The following SEC31B variants were observed in gnomAD, a reference collection of about 807,000 sequenced individuals.
SEC31B encodes protein transport protein Sec31B.
SEC31B carries 113 observed loss-of-function variants against 135.0 expected under a neutral mutation model. That is an observed-to-expected ratio of 0.84 (90% CI 0.72 to 0.98). The LOEUF (loss-of-function observed/expected upper bound fraction) is 0.98. Among genes scored for constraint, SEC31B ranks in the 50% least tolerant of loss-of-function variants. SEC31B has a pLI of 0.00. For synonymous variants in SEC31B, 508 were observed against 549.4 expected (o/e 0.92, Z 1.05); for missense variants, 1,296 against 1,421.1 (o/e 0.91, Z 1.42).
chr10:100,505,060 A>T (rs1366921328), intron 10 of SEC31B, among the ~76,000 whole-genome samples: 1 of 152,098 alleles, frequency 6.6e-6, no homozygotes, highest in African/African-American at 2.4e-5. Flanking sequence ...CAGTCCAGAC[A>T]CGTAAGGGTT....
intron 10 of SEC31B, among the ~76,000 whole-genome samples, chr10:100,502,801 C>A (rs565534489): frequency 2.8e-4 from 42 of 152,108 alleles, no homozygotes; most frequent in Non-Finnish European, 5.4e-4. Flanking sequence ...GTCTTCATAC[C>A]CCCTATAGCC....
chr10:100,493,821 A>G (rs1851351463), intron 19 of SEC31B, among the ~76,000 whole-genome samples: 1 of 152,164 alleles, frequency 6.6e-6, no homozygotes, highest in Admixed American at 6.5e-5. Flanking sequence ...CTTGGTTTTG[A>G]TAGCGTACTG....
At position 100,487,203 on chromosome 10, in the gene SEC31B, A is replaced by C. The variant is rs1463078654; in HGVS notation, c.*413T>G. 1 of 203,092 alleles carries C rather than the reference A, an allele frequency of 4.9e-6. No individual in the cohort carries two copies. Among genetic ancestry groups the C allele is most frequent in the Non-Finnish European group, 1.0e-5 (1 of 100,234 alleles). 12.6% of individuals were successfully genotyped at this position (203,092 alleles called of 1,614,324 possible). A position where few individuals can be genotyped will look rare whatever the true frequency, so the allele number is the denominator to read the frequency against. On this transcript the variant is annotated 3_prime_UTR_variant, in exon 26 of 26. Transcript: ENST00000370345. Reference sequence around the variant, plus strand: ...GCAGGGAAAAGGTAAGGGCAGGCTCATAAACCACAGAAGGGAGAAACAAAA... The same window carrying C: ...GCAGGGAAAAGGTAAGGGCAGGCTCCTAAACCACAGAAGGGAGAAACAAAA...
In SEC31B at chr10:100,508,994, G is replaced by A. The variant is rs200468060; in HGVS notation, c.495+13C>T. ...TGCACACTCCAGGGTTGGGTAGTGG[G>A]GGTGCTGCTCACCTGTGACTTGGAT... On this transcript the variant is annotated intron_variant, in intron 5 of 25. Transcript: ENST00000370345. 1.1e-5 allele frequency: 18 copies of A among 1,602,708 alleles called. 1 individual carries two copies. Among genetic ancestry groups the A allele is most frequent in the Middle Eastern group, 3.3e-4 (2 of 6,050 alleles).
At chr10:100,511,100 G>C (rs1755223764) in intron 3 of SEC31B, among the ~76,000 whole-genome samples, 3 of 152,226 alleles carry the variant, frequency 2.0e-5, no homozygotes, top group Admixed American at 1.3e-4. Context: ...AGACCTCAAG[G>C]GGGAGTCACC....
rs778719151 is a variant in SEC31B, at chr10:100,516,148, T to C, written c.151A>G (p.Arg51Gly). 6.2e-7 allele frequency: 1 copy of C among 1,614,010 alleles called. No homozygotes were observed. The highest frequency in any genetic ancestry group is 8.5e-7 in the Non-Finnish European group (1 of 1,179,962). Reference sequence around the variant, plus strand: ...TGTTTCAAGTCCAGAGAAGGGTCCCTGAAATCAACCTCAAATATTTCCAAT... The same window carrying C: ...TGTTTCAAGTCCAGAGAAGGGTCCCCGAAATCAACCTCAAATATTTCCAAT... Reference protein sequence around the residue: ...GTLEIFEVDFRDPSLDLKHRG... With the variant: ...GTLEIFEVDFGDPSLDLKHRG... The change falls in exon 3 of 26, where the codon AGG becomes GGG. Residue 51 changes from arginine to glycine, a missense_variant. Transcript: ENST00000370345.
At chr10:100,490,677 C>T (rs772785067) in intron 20 of SEC31B, 29 bp downstream of exon 20, 2 of 1,540,382 alleles carry the variant, frequency 1.3e-6, no homozygotes, top group Admixed American at 1.9e-5. Context: ...CTGTGCTCTG[C>T]CCAGATAGAT....
chr10:100,492,284 G>A (rs941335448), intron 19 of SEC31B, among the ~76,000 whole-genome samples: 9 of 152,184 alleles, frequency 5.9e-5, no homozygotes, highest in African/African-American at 2.2e-4. Flanking sequence ...GAGTGCAATG[G>A]CACAATCTCA....
chr10:100,498,676 A>G (rs763547368), intron 14 of SEC31B, 29 bp downstream of exon 14: 8 of 1,536,658 alleles, frequency 5.2e-6, no homozygotes, highest in Non-Finnish European at 6.3e-6. Context: ...CTAAGCAGAG[A>G]CTCTCCCTCT....
Position 100,495,490 on chromosome 10 carries a change from C to T in SEC31B, c.2367G>A (p.Leu789=). ...RLFHAQGSAV[L]GQQSPPFPFP... ...AGGGGAAAGGGGGAGACTGTTGGCC[C>T]AAGACAGCAGAACCTTGAGCATGAA... Residue 789 remains leucine (L), a synonymous_variant, in exon 19 of 26, where the codon TTG becomes TTA. Coordinates refer to ENST00000370345, the MANE Select transcript of SEC31B (RefSeq NM_015490.4). 1 of 1,613,928 alleles carries T rather than the reference C, an allele frequency of 6.2e-7. No homozygotes were observed. Among genetic ancestry groups the T allele is most frequent in the Non-Finnish European group, 8.5e-7 (1 of 1,179,974 alleles).
intron 3 of SEC31B, among the ~76,000 whole-genome samples, chr10:100,515,855 G>A (rs1851827551): frequency 6.6e-6 from 1 of 151,958 alleles, no homozygotes; most frequent in Admixed American, 6.6e-5. Flanking sequence ...GTCCAGGCTT[G>A]TCTGAGGCAT....
chr10:100,508,975 C>T, intron 5 of SEC31B, 32 bp downstream of exon 5: 4 of 1,547,208 alleles, frequency 2.6e-6, no homozygotes, highest in Non-Finnish European at 3.6e-6. Context: ...CAGCTGCACA[C>T]TCCAGGGTTG....
rs761528420 is a variant in SEC31B at position 100,497,142 on chromosome 10, G to A, written c.2129C>T (p.Ala710Val). The A allele has an allele frequency of 2.5e-6, 4 of 1,614,172 alleles. No individual in the cohort carries two copies. The highest frequency in any genetic ancestry group is 3.4e-6 in the Non-Finnish European group (4 of 1,180,032). Residue 710 changes from alanine (A) to valine (V), a missense_variant, in exon 17 of 26, where the codon GCT becomes GTT. Ala to Val is a moderately conservative substitution (Grantham distance 64, BLOSUM62 0). Transcript: ENST00000370345. ...CCTGCAGAGAAGGGGTACCTGCAGA[G>A]CCATGGGGGACAAAGCCTGGTGGCA... ...AKCHQALSPM[A>V]LQDLMEKVMV...
chr10:100,499,672 T>G, intron 11 of SEC31B, 74 bp from the exon 12 acceptor site: 1 of 1,120,074 alleles, frequency 8.9e-7, no homozygotes, highest in African/African-American at 1.6e-5. Context: ...ACAAGCTGGG[T>G]ATCTGTGCCA....
Position 100,509,133 on chromosome 10 carries a change from C to T in SEC31B, c.400-31G>A, listed in dbSNP as rs147993681. On this transcript the variant is annotated intron_variant, in intron 4 of 25. Coordinates refer to ENST00000370345, the MANE Select transcript of SEC31B (RefSeq NM_015490.4). ...TGAATAAAAAGTGTTTGGAGACATA[C>T]CACCCTAGGAAGAAACAGAGCAAGA... The T allele has an allele frequency of 8.2e-4, 1,304 of 1,597,688 alleles. 1 individual carries two copies. The highest frequency in any genetic ancestry group is 1.1e-3 in the Non-Finnish European group (1,230 of 1,165,222).
intron 7 of SEC31B, 129 bp downstream of exon 7, chr10:100,507,296 A>T: frequency 8.8e-7 from 1 of 1,133,904 alleles, no homozygotes; most frequent in South Asian, 1.4e-5. Context: ...GGGTGACTAT[A>T]TGTTGACCGG....
intron 11 of SEC31B, chr10:100,500,174 TCTGAATTAC>T: frequency 2.2e-6 from 1 of 456,646 alleles, no homozygotes; most frequent in Admixed American, 2.3e-5. Context: ...AGAAGAGAAC[TCTGAATTAC>T]TGCATGACTG....
chr10:100,510,214 C>G (rs1851713897), intron 3 of SEC31B, among the ~76,000 whole-genome samples: 1 of 152,180 alleles, frequency 6.6e-6, no homozygotes. Flanking sequence ...AAGCAGGCTC[C>G]CTAGACCAAC....
In SEC31B at chr10:100,507,937, T is replaced by C. The variant is rs1330268234; in HGVS notation, c.610A>G (p.Ile204Val). 3.7e-6 allele frequency: 6 copies of C among 1,614,162 alleles called. No homozygotes were observed. The highest frequency in any genetic ancestry group is 2.2e-5 in the East Asian group (1 of 44,876). The change falls in exon 6 of 26, where the codon ATC (isoleucine) becomes GTC (valine). Residue 204 changes from isoleucine (I) to valine (V), a missense_variant. By Grantham distance (29) the Ile-to-Val change is conservative. Transcript: ENST00000370345. Reference sequence around the variant, plus strand: ...TTGCTGTGATCACTGACTTTGATGATAGGTTCATTCTTCCTGAGATCCCAC... The same window carrying C: ...TTGCTGTGATCACTGACTTTGATGACAGGTTCATTCTTCCTGAGATCCCAC... ...VVWDLRKNEP[I>V]IKVSDHSNRM...
Sources: allele counts gnomAD v4.1 joint callset (sites outside exome capture counted in the v4.1 genomes callset), GRCh38; gene constraint gnomAD v4.1.1; transcripts MANE v1.5; gene names NCBI Gene and HGNC (gene_info 2026-07-23, HGNC 2026-07-21).